RNF216: variants seen among roughly 807,000 people sequenced by gnomAD.
RNF216 encodes the protein E3 ubiquitin-protein ligase RNF216.
In RNF216, 72 loss-of-function variants were observed where a neutral mutation model predicts 110.8. The ratio of observed to expected loss-of-function variants is 0.65; its 90% CI spans 0.54 to 0.79. The LOEUF (loss-of-function observed/expected upper bound fraction) is 0.79, where lower values mean the gene tolerates loss of function less well. Among genes scored for constraint, RNF216 ranks in the 30% least tolerant of loss-of-function variants. The pLI, the probability that RNF216 is intolerant of heterozygous loss-of-function variation, is 0.00. For missense variants in RNF216, 1,342 were observed against 1,141.2 expected, an observed-to-expected ratio of 1.18 and a Z score of -2.54; for synonymous variants, 495 against 407.5, an observed-to-expected ratio of 1.21 and a Z score of -2.59.
intron 13 of RNF216, among the ~76,000 whole-genome samples, chr7:5,684,618 C>T (rs995725955): frequency 9.9e-5 from 15 of 152,158 alleles, no homozygotes; most frequent in African/African-American, 3.1e-4. Flanking sequence ...CATGTAGCCA[C>T]GTAGCTTTCC....
At chr7:5,655,459 G>T (rs1028201130) in intron 13 of RNF216, among the ~76,000 whole-genome samples, 1 of 152,116 alleles carries the variant, frequency 6.6e-6, no homozygotes, top group African/African-American at 2.4e-5. Flanking sequence ...TTAGCTGGAC[G>T]TGGTGGCAAA....
At chr7:5,777,521 C>G (rs879076849) in intron 1 of RNF216, 4 of 152,140 alleles carry the variant, frequency 2.6e-5, no homozygotes, top group Admixed American at 2.6e-4. Context: ...ACACTGACTG[C>G]AGAGTTAGAG....
chr7:5,716,609 G>C, intron 10 of RNF216, 107 bp downstream of exon 10: 1 of 807,584 alleles, frequency 1.2e-6, no homozygotes. Flanking sequence ...TCACCAAACA[G>C]GAGGTTATCC....
At chr7:5,638,652 G>T (rs1286344176) in intron 15 of RNF216, among the ~76,000 whole-genome samples, 1 of 148,718 alleles carries the variant, frequency 6.7e-6, no homozygotes, top group Non-Finnish European at 1.5e-5. Context: ...TTTTTTTTGG[G>T]GGGGAGACAG....
chr7:5,727,844 T>C (rs1793853311), intron 7 of RNF216, among the ~76,000 whole-genome samples: 1 of 151,850 alleles, frequency 6.6e-6, no homozygotes, highest in African/African-American at 2.4e-5. Context: ...AGGAGTCCTC[T>C]CTTCTCACCT....
At chr7:5,695,420 T>C (rs1261902075) in intron 13 of RNF216, among the ~76,000 whole-genome samples, 1 of 152,000 alleles carries the variant, frequency 6.6e-6, no homozygotes, top group Non-Finnish European at 1.5e-5. Flanking sequence ...CGCCTTCCTC[T>C]CCTGTTTTTT....
rs774795719 is a variant in RNF216, at chr7:5,752,897, A to G, written c.150T>C (p.Ala50=). The G allele has an allele frequency of 6.2e-7, 1 of 1,612,564 alleles. No homozygotes were observed. Among genetic ancestry groups the G allele is most frequent in the Non-Finnish European group, 8.5e-7 (1 of 1,179,358 alleles). ...GGTCCTCTTCTTCATGCTGCTGAGG[A>G]GCTGGGGTGACCAGCATTGGAATCC... The part of the protein sequence containing the change: ...EERIPMLVTP[A]PQQHEEEDLD... The change falls in exon 3 of 17, where the codon GCT becomes GCC. Residue 50 remains alanine, a synonymous_variant. Transcript: ENST00000389902.
chr7:5,658,592 G>A (rs1376884977), intron 13 of RNF216, among the ~76,000 whole-genome samples: 1 of 150,484 alleles, frequency 6.6e-6, no homozygotes, highest in African/African-American at 2.5e-5. Flanking sequence ...GGGAGGTGGA[G>A]GTTGCAGTGA....
chr7:5,760,343 C>A, intron 2 of RNF216: 1 of 247,030 alleles, frequency 4.0e-6, no homozygotes, highest in Non-Finnish European at 8.4e-6. Context: ...GTGGAGAAAC[C>A]CCATCTCTAC....
At chr7:5,682,090 C>A (rs924261051) in intron 13 of RNF216, among the ~76,000 whole-genome samples, 1 of 152,238 alleles carries the variant, frequency 6.6e-6, no homozygotes, top group Admixed American at 6.5e-5. Flanking sequence ...GACCTGTCCA[C>A]TCAGCAGACA....
chr7:5,722,539 C>T (rs1413975896), intron 8 of RNF216, among the ~76,000 whole-genome samples: 5 of 151,562 alleles, frequency 3.3e-5, no homozygotes, highest in Admixed American at 1.3e-4. Flanking sequence ...TACAGGCGCC[C>T]GCCACCATGC....
In RNF216 at chr7:5,741,561, T is replaced by G; in HGVS notation, c.456A>C (p.Thr152=). 1 of 1,614,212 alleles carries G rather than the reference T, an allele frequency of 6.2e-7. No individual in the cohort carries two copies. The highest frequency in any genetic ancestry group is 1.6e-4 in the Middle Eastern group (1 of 6,062). ...TCGGTCCAGGCTTGGGTTCTCTTTCTGTTTGGCCACTTGGCTTAGTGAATT... is the reference window on the plus strand; with the variant it reads ...TCGGTCCAGGCTTGGGTTCTCTTTCGGTTTGGCCACTTGGCTTAGTGAATT... ...ISEFTKPSGQ[T]EREPKPGPSH... The change falls in exon 4 of 17, where the codon ACA becomes ACC. Residue 152 remains threonine (T), a synonymous_variant. Transcript: ENST00000389902.
intron 4 of RNF216, 56 bp downstream of exon 4, chr7:5,740,917 A>G: frequency 2.7e-6 from 4 of 1,493,954 alleles, no homozygotes; most frequent in Non-Finnish European, 3.6e-6. Flanking sequence ...AAAAAAAAAA[A>G]AGAAAAAAAC....
chr7:5,700,951 T>C (rs1423495922), intron 13 of RNF216, among the ~76,000 whole-genome samples: 3 of 152,158 alleles, frequency 2.0e-5, no homozygotes, highest in African/African-American at 2.4e-5. Context: ...ATCGCCGTCT[T>C]TGTTTCTAGG....
intron 3 of RNF216, among the ~76,000 whole-genome samples, chr7:5,745,143 A>T (rs1015290656): frequency 9.9e-5 from 15 of 152,204 alleles, no homozygotes; most frequent in African/African-American, 3.6e-4. Context: ...AATCCCCAGC[A>T]GCACATTACT....
intron 13 of RNF216, among the ~76,000 whole-genome samples, chr7:5,688,906 G>C (rs852265): frequency 6.6e-6 from 1 of 151,976 alleles, no homozygotes; most frequent in Non-Finnish European, 1.5e-5. Flanking sequence ...TCAATATAAA[G>C]TTTAAGTCTG....
intron 13 of RNF216, among the ~76,000 whole-genome samples, chr7:5,704,160 G>A (rs1462178242): frequency 6.6e-6 from 1 of 152,180 alleles, no homozygotes; most frequent in African/African-American, 2.4e-5. Flanking sequence ...TTATTCTTCA[G>A]GGATTCCAGA....
At chr7:5,705,395 A>C (rs1792216849) in intron 13 of RNF216, among the ~76,000 whole-genome samples, 2 of 152,152 alleles carry the variant, frequency 1.3e-5, no homozygotes, top group Non-Finnish European at 2.9e-5. Flanking sequence ...CCCCACCTTC[A>C]CATGCAACAT....
intron 13 of RNF216, among the ~76,000 whole-genome samples, chr7:5,657,624 G>A (rs1427291806): frequency 6.6e-6 from 1 of 151,910 alleles, no homozygotes; most frequent in African/African-American, 2.4e-5. Flanking sequence ...CACTCTTGAG[G>A]TAAAAGGCCC....
Sources: gnomAD v4.1 joint callset for allele counts (sites outside exome capture counted in the v4.1 genomes callset) on GRCh38, gnomAD v4.1.1 for gene constraint, MANE v1.5 for transcripts, NCBI Gene and HGNC (gene_info 2026-07-23, HGNC 2026-07-21) for gene names.